The following EYS variants were observed in gnomAD, a reference collection of about 807,000 sequenced individuals.
EYS encodes EGF-like photoreceptor maintenance factor.
Under a neutral mutation model 282.1 loss-of-function variants are expected in EYS, and 250 were observed. The observed-to-expected ratio is 0.89, with a 90% CI of 0.80 to 0.98. The LOEUF (loss-of-function observed/expected upper bound fraction) is 0.98, where lower values mean the gene tolerates loss of function less well. Among genes scored for constraint, EYS ranks in the 50% least tolerant of loss-of-function variants. The probability of loss-of-function intolerance (pLI) is 0.00; values close to 1 mark genes in which losing one functional copy is unlikely to be tolerated. For missense variants in EYS, 4,016 were observed against 3,709.0 expected, an observed-to-expected ratio of 1.08 and a Z score of -2.15; for synonymous variants, 1,355 against 1,282.9, an observed-to-expected ratio of 1.06 and a Z score of -1.20.
intron 31 of EYS, among the ~76,000 whole-genome samples, chr6:64,096,130 A>G (rs11965127): frequency 9.9e-4 from 151 of 152,218 alleles, no homozygotes; most frequent in Non-Finnish European, 1.1e-3. Flanking sequence ...AGCTGTTAGT[A>G]TGATGGGCTT....
intron 13 of EYS, among the ~76,000 whole-genome samples, chr6:65,026,807 C>T (rs1772425976): frequency 6.6e-6 from 1 of 151,930 alleles, no homozygotes; most frequent in Non-Finnish European, 1.5e-5. Flanking sequence ...ATCCCAGTTA[C>T]CTGGGAGGCT....
intron 8 of EYS, among the ~76,000 whole-genome samples, chr6:65,357,447 G>A (rs750944223): frequency 3.1e-4 from 47 of 152,018 alleles, no homozygotes; most frequent in Middle Eastern, 6.8e-3. Flanking sequence ...TAAACTAAAT[G>A]TTTGTCTTTA....
rs537364478 is a variant in EYS, at chr6:65,341,093, G to A, written c.1599+2945C>T. On this transcript the variant is annotated intron_variant, in intron 10 of 42. Transcript: ENST00000503581. ...ATCACTTTTTCAGGTGAGTCTATAA[G>A]AGGAAGCTCAGCTGGGAGAGGAAAG... 7.1e-4 allele frequency among the ~76,000 whole-genome samples: 108 copies of A among 151,280 alleles called. 2 individuals carry two copies. The highest frequency in any genetic ancestry group is 1.4e-3 in the Non-Finnish European group (93 of 67,408).
At chr6:64,886,950 T>C in intron 18 of EYS, 108 bp from the exon 19 acceptor site, 1 of 726,176 alleles carries the variant, frequency 1.4e-6, no homozygotes, top group Non-Finnish European at 2.1e-6. Flanking sequence ...TTAATTGAAA[T>C]AAATAATATA....
At chr6:65,417,474 C>T (rs1358124544) in intron 5 of EYS, among the ~76,000 whole-genome samples, 1 of 151,984 alleles carries the variant, frequency 6.6e-6, no homozygotes, top group African/African-American at 2.4e-5. Context: ...GAGCACACAA[C>T]CTATTGCAAG....
intron 31 of EYS, among the ~76,000 whole-genome samples, chr6:64,179,742 G>A (rs1194113538): frequency 6.6e-6 from 1 of 151,942 alleles, no homozygotes; most frequent in Non-Finnish European, 1.5e-5. Context: ...TTTACACTTT[G>A]GCTTGTGTTT....
At chr6:64,479,089 A>G (rs1329492305) in intron 26 of EYS, among the ~76,000 whole-genome samples, 4 of 152,024 alleles carry the variant, frequency 2.6e-5, no homozygotes, top group African/African-American at 9.7e-5. Flanking sequence ...TCACCAATAT[A>G]GTAAAAAATG....
chr6:65,368,869 C>T (rs1000557), intron 8 of EYS, among the ~76,000 whole-genome samples: 32,222 of 151,058 alleles, frequency 0.21, 4,048 homozygotes, highest in Non-Finnish European at 0.27. Flanking sequence ...AATATGTCCA[C>T]GAAAGAGAGA....
intron 12 of EYS, among the ~76,000 whole-genome samples, chr6:65,274,841 G>A (rs1767999395): frequency 6.6e-6 from 1 of 151,842 alleles, no homozygotes; most frequent in Admixed American, 6.6e-5. Context: ...CATAGGTCCT[G>A]TCAAGATATC....
chr6:64,470,801 C>T (rs1343252514), intron 26 of EYS, among the ~76,000 whole-genome samples: 1 of 151,886 alleles, frequency 6.6e-6, no homozygotes, highest in Non-Finnish European at 1.5e-5. Context: ...AAAAGGAATA[C>T]ATAAGAATAA....
intron 5 of EYS, among the ~76,000 whole-genome samples, chr6:65,445,878 A>G (rs1768633626): frequency 6.6e-6 from 1 of 151,768 alleles, no homozygotes; most frequent in Admixed American, 6.6e-5. Flanking sequence ...TTGTTTCCAT[A>G]ATTTTATGAT....
intron 2 of EYS, among the ~76,000 whole-genome samples, chr6:65,525,704 A>G (rs1013123831): frequency 6.6e-6 from 1 of 152,222 alleles, no homozygotes; most frequent in African/African-American, 2.4e-5. Flanking sequence ...GGAAGTATCT[A>G]AAGCAGTTTA....
At chr6:64,315,872 A>T (rs1321920452) in intron 29 of EYS, among the ~76,000 whole-genome samples, 1 of 152,118 alleles carries the variant, frequency 6.6e-6, no homozygotes, top group African/African-American at 2.4e-5. Flanking sequence ...ATCTACCACG[A>T]TCAAGTCGGC....
intron 2 of EYS, among the ~76,000 whole-genome samples, chr6:65,632,919 T>C (rs1766966636): frequency 2.0e-5 from 3 of 151,846 alleles, no homozygotes; most frequent in South Asian, 4.1e-4. Flanking sequence ...TTGAGGACCA[T>C]AACTGAGGGC....
chr6:65,183,867 A>G (rs1167722507), intron 12 of EYS, among the ~76,000 whole-genome samples: 1 of 151,824 alleles, frequency 6.6e-6, no homozygotes, highest in African/African-American at 2.4e-5. Flanking sequence ...TTCTCAAGCA[A>G]TGACTGCATT....
intron 26 of EYS, among the ~76,000 whole-genome samples, chr6:64,455,318 T>A (rs949574962): frequency 6.6e-6 from 1 of 152,192 alleles, no homozygotes; most frequent in Non-Finnish European, 1.5e-5. Flanking sequence ...CCTAGAACCT[T>A]CAGAAACAAC....
intron 35 of EYS, among the ~76,000 whole-genome samples, chr6:63,944,225 A>C (rs916053956): frequency 6.6e-6 from 1 of 152,210 alleles, no homozygotes; most frequent in Non-Finnish European, 1.5e-5. Context: ...AAGGGAAACA[A>C]TTTACAGCAA....
intron 40 of EYS, among the ~76,000 whole-genome samples, chr6:63,776,071 T>C (rs1770057184): frequency 6.6e-6 from 1 of 152,200 alleles, no homozygotes; most frequent in South Asian, 2.1e-4. Context: ...TTTCCCCCTG[T>C]ACATTATTGC....
intron 33 of EYS, among the ~76,000 whole-genome samples, chr6:64,026,037 C>A (rs150308431): frequency 0.02 from 2,988 of 152,308 alleles, 46 homozygotes; most frequent in Middle Eastern, 0.058. Flanking sequence ...TAAATCCAAC[C>A]TTCCTTGGTC....
Sources: allele counts gnomAD v4.1 joint callset (sites outside exome capture counted in the v4.1 genomes callset), GRCh38; gene constraint gnomAD v4.1.1; transcripts MANE v1.5; gene names NCBI Gene and HGNC (gene_info 2026-07-23, HGNC 2026-07-21).